The following RC3H1 variants were observed in gnomAD, a reference collection of about 807,000 sequenced individuals.
The protein encoded by RC3H1 is ring finger and CCCH-type domains 1.
A neutral mutation model predicts 138.2 loss-of-function variants in RC3H1; 50 were observed. The ratio of observed to expected loss-of-function variants is 0.36; its 90% CI spans 0.29 to 0.46. The LOEUF (loss-of-function observed/expected upper bound fraction) is 0.46. Ranked by LOEUF, RC3H1 falls within the 20% of genes least tolerant of loss-of-function variation. The probability of loss-of-function intolerance (pLI) is 1.00; values close to 1 mark genes in which losing one functional copy is unlikely to be tolerated. For synonymous variants in RC3H1, 462 were observed against 489.1 expected, an observed-to-expected ratio of 0.94 and a Z score of 0.73; for missense variants, 1,031 against 1,388.1, an observed-to-expected ratio of 0.74 and a Z score of 4.09.
chr1:173,997,459 TATTAGTTCTTTTCAAAATTTAAG>T (rs1557950542), intron 1 of RC3H1, among the ~76,000 whole-genome samples: 1 of 152,168 alleles, frequency 6.6e-6, no homozygotes. Context: ...TATCAAAACT[TATTAGTTCTTTTCAAAATTTAAG>T]AACCTTAAAA....
chr1:173,964,792 C>A, intron 10 of RC3H1, 47 bp downstream of exon 10: 1 of 1,505,288 alleles, frequency 6.6e-7, no homozygotes. Context: ...CTTCCTTCGA[C>A]TTTATGAAGA....
chr1:173,941,874 T>TG (rs1658877485), intron 18 of RC3H1, among the ~76,000 whole-genome samples: 1 of 145,416 alleles, frequency 6.9e-6, no homozygotes, highest in African/African-American at 2.6e-5. Flanking sequence ...GAGGTTGCAG[T>TG]GAGCTGAGAT....
chr1:173,944,581 A>AAACT (rs1659055160), intron 17 of RC3H1, among the ~76,000 whole-genome samples: 2 of 152,198 alleles, frequency 1.3e-5, no homozygotes, highest in Admixed American at 1.3e-4. Context: ...ACAAACAAAC[A>AAACT]AACAAACAAA....
intron 19 of RC3H1, among the ~76,000 whole-genome samples, 197 bp downstream of exon 19, chr1:173,941,068 C>T (rs1378474451): frequency 6.6e-6 from 1 of 152,158 alleles, no homozygotes; most frequent in Non-Finnish European, 1.5e-5. Flanking sequence ...GATCTGCCCA[C>T]CTCGGCTTCC....
At position 173,966,551 on chromosome 1, in the gene RC3H1, C is replaced by A. The variant is rs528642110; in HGVS notation, c.1335-1431G>T. On this transcript the variant is annotated intron_variant, in intron 9 of 19. Transcript: ENST00000367696. Reference sequence around the variant, plus strand: ...CCAATATGGTGAAACCCCATCTCTACTAAAAATACAAAAATTAGCTGGGTG... The same window carrying A: ...CCAATATGGTGAAACCCCATCTCTAATAAAAATACAAAAATTAGCTGGGTG... Among the ~76,000 whole-genome samples, 4 of 151,990 alleles carry A rather than the reference C, an allele frequency of 2.6e-5. No individual in the cohort carries two copies. In the East Asian group the frequency reaches 7.8e-4, roughly 29 times the overall value.
At position 173,934,616 on chromosome 1, in the gene RC3H1, A is replaced by G. The variant is rs1658505645; in HGVS notation, c.*4105T>C. ...AAACAGCAGGTTACCATTCTTAACC[A>G]GACCTTTGTTTGCCTACCAGTAGGG... On this transcript the variant is annotated 3_prime_UTR_variant, in exon 20 of 20. Coordinates refer to ENST00000367696, the MANE Select transcript of RC3H1 (RefSeq NM_172071.4). 2 of 152,216 alleles carry G rather than the reference A, an allele frequency of 1.3e-5. No individual in the cohort carries two copies. Among genetic ancestry groups the G allele is most frequent in the Admixed American group, 1.3e-4 (2 of 15,268 alleles). The allele number at this position is 152,216 out of a possible 1,614,324, so 9.4% of individuals were successfully genotyped here. A position where few individuals can be genotyped will look rare whatever the true frequency, so the allele number is the denominator to read the frequency against.
intron 2 of RC3H1, 114 bp from the exon 3 acceptor site, chr1:173,984,733 T>C: frequency 9.6e-7 from 1 of 1,037,042 alleles, no homozygotes; most frequent in Non-Finnish European, 1.4e-6. Context: ...CCCACTAAAT[T>C]TACTGAATTC....
rs371634702 is a variant in RC3H1 at position 174,022,006 on chromosome 1, C to T, written c.-151+90G>A. On this transcript the variant is annotated intron_variant, in intron 1 of 19. Coordinates refer to ENST00000367696, the MANE Select transcript of RC3H1 (RefSeq NM_172071.4). The surrounding 1 kb of genome is among the most constrained non-coding windows in gnomAD (Gnocchi z 4.2). ...GGAGCAGAGGGCGGGCGAGGACAAA[C>T]CCTTCCCGACCACAGCTGCCTATTG... 15 of 386,240 alleles carry T rather than the reference C, an allele frequency of 3.9e-5. No individual in the cohort carries two copies. Among genetic ancestry groups the T allele is most frequent in the East Asian group, 3.0e-4 (8 of 26,956 alleles). 23.9% of individuals were successfully genotyped at this position (386,240 alleles called of 1,614,324 possible).
At chr1:173,987,917 C>T (rs993752643) in intron 2 of RC3H1, among the ~76,000 whole-genome samples, 7 of 152,204 alleles carry the variant, frequency 4.6e-5, no homozygotes, top group Non-Finnish European at 8.8e-5. Flanking sequence ...CCAATCATTT[C>T]CCATTCACTT....
In RC3H1 at chr1:173,992,667, A is replaced by AC. The variant is rs1661337048; in HGVS notation, c.231+87dup. The AC allele has an allele frequency of 3.1e-6, 3 of 976,506 alleles. No homozygotes were observed. In the African/African-American group the frequency reaches 5.5e-5, roughly 18 times the overall value. The allele number at this position is 976,506 out of a possible 1,614,324, so 60.5% of individuals were successfully genotyped here. ...GGTTTCTCTCAGGAGAAAAACACGC[A>AC]CAACACACACACACACACACACACA... On this transcript the variant is annotated intron_variant, in intron 2 of 19. Coordinates refer to ENST00000367696, the MANE Select transcript of RC3H1 (RefSeq NM_172071.4).
At chr1:174,018,106 G>A (rs1005029574) in intron 1 of RC3H1, among the ~76,000 whole-genome samples, 4 of 152,098 alleles carry the variant, frequency 2.6e-5, no homozygotes, top group African/African-American at 9.7e-5. Context: ...AAACCAAGGA[G>A]TTTGAGGCTG....
intron 1 of RC3H1, among the ~76,000 whole-genome samples, chr1:173,996,954 G>A (rs1661472618): frequency 6.6e-6 from 1 of 152,000 alleles, no homozygotes; most frequent in African/African-American, 2.4e-5. Flanking sequence ...GCACTGCCAG[G>A]CATGGTGGTT....
intron 1 of RC3H1, among the ~76,000 whole-genome samples, chr1:173,998,254 ATT>A (rs1159266571): frequency 6.6e-6 from 1 of 152,160 alleles, no homozygotes; most frequent in Non-Finnish European, 1.5e-5. Context: ...CATTAGGAGT[ATT>A]TCTATTGGAA....
rs1658579087 is a variant in RC3H1, at chr1:173,936,377, G to C, written c.*2344C>G. On this transcript the variant is annotated 3_prime_UTR_variant, in exon 20 of 20. Coordinates refer to ENST00000367696, the MANE Select transcript of RC3H1 (RefSeq NM_172071.4). ...TGTAGTACAAAAATTAGCTGGACGTGGTGGCGCGTGCCTGTAGTCCCAGCT... is the reference window on the plus strand; with the variant it reads ...TGTAGTACAAAAATTAGCTGGACGTCGTGGCGCGTGCCTGTAGTCCCAGCT... 1 of 151,748 alleles carries C rather than the reference G, an allele frequency of 6.6e-6. No individual in the cohort carries two copies. Among genetic ancestry groups the C allele is most frequent in the Non-Finnish European group, 1.5e-5 (1 of 67,952 alleles). The allele number at this position is 151,748 out of a possible 1,614,324, so 9.4% of individuals were successfully genotyped here.
At position 173,932,800 on chromosome 1, in the gene RC3H1, G is replaced by A. The variant is rs1658435980; in HGVS notation, c.*5921C>T. ...ACAAATAAATGGTGATTAAAAAAAG[G>A]CAAATAATAATAATAATAATAATAG... On this transcript the variant is annotated 3_prime_UTR_variant, in exon 20 of 20. Transcript: ENST00000367696. The A allele has an allele frequency of 6.6e-6, 1 of 151,808 alleles. No individual in the cohort carries two copies. Among genetic ancestry groups the A allele is most frequent in the African/African-American group, 2.4e-5 (1 of 41,338 alleles). The allele number at this position is 151,808 out of a possible 1,614,324, so 9.4% of individuals were successfully genotyped here.
intron 18 of RC3H1, among the ~76,000 whole-genome samples, chr1:173,942,924 T>A (rs146989621): frequency 6.6e-6 from 1 of 152,262 alleles, no homozygotes; most frequent in East Asian, 1.9e-4. Context: ...AAAATGAATG[T>A]CTGTGCACTA....
At chr1:173,994,383 C>A (rs1571235516) in intron 1 of RC3H1, among the ~76,000 whole-genome samples, 1 of 152,222 alleles carries the variant, frequency 6.6e-6, no homozygotes, top group East Asian at 1.9e-4. Context: ...CACAGTGAGA[C>A]TCCATCTCAA....
chr1:173,992,861 A>T lies in RC3H1; in HGVS notation c.125T>A (p.Leu42Gln). Residue 42 changes from leucine to glutamine, a missense_variant, in exon 2 of 20, where the codon CTG (leucine) becomes CAG (glutamine). Coordinates refer to ENST00000367696, the MANE Select transcript of RC3H1 (RefSeq NM_172071.4). Reference sequence around the variant, plus strand: ...GCAAGCCTTGCGGTGGAGTTTATTCAGGCACATCTTGCAGACAGTATGGCC... The same window carrying T: ...GCAAGCCTTGCGGTGGAGTTTATTCTGGCACATCTTGCAGACAGTATGGCC... ...GCGHTVCKMC[L>Q]NKLHRKACPF... The T allele has an allele frequency of 6.2e-7, 1 of 1,614,158 alleles. No homozygotes were observed. Among genetic ancestry groups the T allele is most frequent in the Non-Finnish European group, 8.5e-7 (1 of 1,180,000 alleles).
chr1:173,985,331 T>C (rs1476998885), intron 2 of RC3H1, among the ~76,000 whole-genome samples: 1 of 150,088 alleles, frequency 6.7e-6, no homozygotes, highest in Non-Finnish European at 1.5e-5. Context: ...CCTAGGAGTC[T>C]GTATTTAACC....
Sources: allele counts gnomAD v4.1 joint callset (sites outside exome capture counted in the v4.1 genomes callset), GRCh38; gene constraint gnomAD v4.1.1; non-coding constraint Gnocchi (gnomAD v3.1); transcripts MANE v1.5; gene names NCBI Gene and HGNC (gene_info 2026-07-23, HGNC 2026-07-21).